Variants in TDP1 observed in about 807,000 individuals in gnomAD.
TDP1 encodes the protein tyr-DNA phosphodiesterase 1.
Under a neutral mutation model 81.5 loss-of-function variants are expected in TDP1, and 64 were observed. That is an observed-to-expected ratio of 0.79 (90% CI 0.64 to 0.97). The LOEUF is 0.97. Among genes scored for constraint, TDP1 ranks in the 50% least tolerant of loss-of-function variants. TDP1 has a pLI of 0.00. For synonymous variants in TDP1, 256 were observed against 264.3 expected, an observed-to-expected ratio of 0.97 and a Z score of 0.30; for missense variants, 723 against 743.8, an observed-to-expected ratio of 0.97 and a Z score of 0.33.
intron 10 of TDP1, 61 bp from the exon 11 acceptor site, chr14:89,988,844 T>C (rs1895856403): frequency 1.2e-6 from 2 of 1,609,018 alleles, no homozygotes; most frequent in Non-Finnish European, 1.7e-6. Context: ...TTTTCAAATA[T>C]TGCAGCATTT....
intron 2 of TDP1, among the ~76,000 whole-genome samples, chr14:89,962,618 C>T (rs1174565286): frequency 2.0e-5 from 3 of 152,042 alleles, no homozygotes; most frequent in African/African-American, 4.8e-5. Context: ...AATCCCAGCA[C>T]TTTGGAAGGC....
intron 16 of TDP1, among the ~76,000 whole-genome samples, chr14:90,036,601 G>T (rs1358662326): frequency 6.6e-6 from 1 of 152,126 alleles, no homozygotes; most frequent in Non-Finnish European, 1.5e-5. Context: ...ACCCTGCTTG[G>T]TGCAGTAGTT....
intron 5 of TDP1, among the ~76,000 whole-genome samples, chr14:89,969,518 A>C (rs1386541599): frequency 6.6e-6 from 1 of 152,234 alleles, no homozygotes; most frequent in Non-Finnish European, 1.5e-5. Flanking sequence ...TATCAGTCAT[A>C]TTTAATCTTT....
chr14:90,008,267 C>T (rs1162294846), intron 14 of TDP1, among the ~76,000 whole-genome samples: 1 of 152,176 alleles, frequency 6.6e-6, no homozygotes, highest in East Asian at 1.9e-4. Flanking sequence ...TTACTTTGCA[C>T]CTCTTTGCCT....
Position 89,992,046 on chromosome 14 carries a change from C to T in TDP1, c.1433+63C>T. 3.6e-6 allele frequency: 5 copies of T among 1,403,932 alleles called. No homozygotes were observed. In the South Asian group the frequency reaches 4.9e-5, roughly 14 times the overall value. 87.0% of individuals were successfully genotyped at this position (1,403,932 alleles called of 1,614,324 possible). On this transcript the variant is annotated intron_variant, in intron 13 of 16. Transcript: ENST00000335725. ...AGGAATTAGAGTGTTATTTATGTCA[C>T]TGGTTTGTTTTTTTTTTTAAAAGGA...
rs5810477 is a variant in TDP1, at chr14:89,969,876, C to CTTTTTTTT, written c.660-1288_660-1281dup. Among the ~76,000 whole-genome samples, 7 of 122,832 alleles carry CTTTTTTTT rather than the reference C, an allele frequency of 5.7e-5. 1 individual carries two copies. Among genetic ancestry groups the CTTTTTTTT allele is most frequent in the Admixed American group, 9.4e-5 (1 of 10,694 alleles). The allele number at this position is 122,832 out of a possible 152,430, so 80.6% of individuals were successfully genotyped here. On this transcript the variant is annotated intron_variant, in intron 5 of 16. Transcript: ENST00000335725. ...AGAGCTTGTAGAAATATACTTATTT[C>CTTTTTTTT]TTTTTTTTTTTTTTTTTTGAGGCGG...
At chr14:89,983,690 T>C (rs1371437086) in intron 8 of TDP1, among the ~76,000 whole-genome samples, 1 of 152,222 alleles carries the variant, frequency 6.6e-6, no homozygotes, top group Non-Finnish European at 1.5e-5. Context: ...TTGAAGAAAC[T>C]GAAGCACAAG....
At chr14:89,964,905 G>A in intron 3 of TDP1, 1 of 432,862 alleles carries the variant, frequency 2.3e-6, no homozygotes, top group South Asian at 1.7e-5. Flanking sequence ...TGATGCATCT[G>A]CACTTTAGAA....
intron 14 of TDP1, among the ~76,000 whole-genome samples, chr14:90,013,171 A>G (rs1884916677): frequency 6.6e-6 from 1 of 152,194 alleles, no homozygotes; most frequent in African/African-American, 2.4e-5. Context: ...AGACTTTTGA[A>G]TTAATGCCGA....
chr14:90,024,461 T>C (rs1290643108), intron 15 of TDP1, among the ~76,000 whole-genome samples: 2 of 152,226 alleles, frequency 1.3e-5, no homozygotes, highest in African/African-American at 4.8e-5. Flanking sequence ...GAATGGGTCA[T>C]GTGGGAGGCT....
At chr14:90,040,811 T>G (rs1888285374) in intron 16 of TDP1, among the ~76,000 whole-genome samples, 1 of 152,212 alleles carries the variant, frequency 6.6e-6, no homozygotes, top group Admixed American at 6.5e-5. Flanking sequence ...CTATGGTTAT[T>G]TTTCTAGCTT....
chr14:90,011,894 T>G (rs544952244), intron 14 of TDP1, among the ~76,000 whole-genome samples: 1 of 152,336 alleles, frequency 6.6e-6, no homozygotes, highest in African/African-American at 2.4e-5. Flanking sequence ...CTACAGAAAT[T>G]TGCATAAGTA....
intron 7 of TDP1, among the ~76,000 whole-genome samples, chr14:89,976,778 C>A (rs1397912415): frequency 6.7e-6 from 1 of 149,780 alleles, no homozygotes; most frequent in South Asian, 2.3e-4. Flanking sequence ...CTCAGGTGAT[C>A]CACCCTCCTC....
intron 14 of TDP1, among the ~76,000 whole-genome samples, chr14:89,994,008 C>T (rs563582053): frequency 1.1e-4 from 17 of 152,250 alleles, no homozygotes; most frequent in Non-Finnish European, 2.9e-5. Context: ...AGAATATTTT[C>T]ATCACCCTAT....
rs1234577537 is a variant in TDP1 at position 89,975,819 on chromosome 14, A to G, written c.791+4A>G. ...TTGCGTTTGGAACACACCACACGTA[A>G]GCACTTTTTGTGAAATAGGGGAACC... On this transcript the variant is annotated splice_donor_region_variant and intron_variant, in intron 7 of 16. Transcript: ENST00000335725. The G allele has an allele frequency of 6.2e-7, 1 of 1,612,042 alleles. No homozygotes were observed.
intron 15 of TDP1, chr14:90,022,926 C>T (rs1336203418): frequency 1.4e-6 from 1 of 737,632 alleles, no homozygotes; most frequent in East Asian, 2.7e-5. Context: ...CGGTTCCCTC[C>T]TCAAAGCATA....
At chr14:89,955,869 C>T (rs1211220772), upstream of TDP1, 2 of 149,536 alleles carry the variant, frequency 1.3e-5, no homozygotes, top group African/African-American at 2.6e-5. Context: ...GGGGCCGGGC[C>T]TCGAGGCACA....
intron 15 of TDP1, among the ~76,000 whole-genome samples, chr14:90,024,032 G>A (rs900367912): frequency 2.6e-5 from 4 of 152,038 alleles, no homozygotes; most frequent in Non-Finnish European, 4.4e-5. Flanking sequence ...TTACTGCCAT[G>A]GCCCCCACTT....
chr14:89,982,473 A>G (rs977173385), intron 8 of TDP1, among the ~76,000 whole-genome samples: 4 of 152,152 alleles, frequency 2.6e-5, no homozygotes. Context: ...AAACAATGTT[A>G]CTAAAGGGAT....
Sources: gnomAD v4.1 joint callset for allele counts (sites outside exome capture counted in the v4.1 genomes callset) on GRCh38, gnomAD v4.1.1 for gene constraint, MANE v1.5 for transcripts, NCBI Gene and HGNC (gene_info 2026-07-23, HGNC 2026-07-21) for gene names.